NELL2: variants seen among roughly 807,000 people sequenced by gnomAD.
The protein encoded by NELL2 is protein kinase C-binding protein NELL2.
NELL2 carries 41 observed loss-of-function variants against 109.6 expected under a neutral mutation model. The observed-to-expected ratio is 0.37, with a 90% CI of 0.29 to 0.49. The LOEUF is 0.49. Among genes scored for constraint, NELL2 ranks in the 20% least tolerant of loss-of-function variants. The pLI is 0.98. For synonymous variants in NELL2, 355 were observed against 344.7 expected, an observed-to-expected ratio of 1.03 and a Z score of -0.33; for missense variants, 900 against 1,008.3, an observed-to-expected ratio of 0.89 and a Z score of 1.45.
chr12:44,522,364 G>A (rs941310166), intron 17 of NELL2, among the ~76,000 whole-genome samples, 188 bp from the exon 18 acceptor site: 16 of 151,898 alleles, frequency 1.1e-4, no homozygotes, highest in Non-Finnish European at 2.1e-4. Context: ...CTAAGCTGGA[G>A]GATTTTCAAT....
chr12:44,715,599 T>A (rs756977971), intron 9 of NELL2, among the ~76,000 whole-genome samples: 2 of 152,064 alleles, frequency 1.3e-5, no homozygotes, highest in Admixed American at 6.6e-5. Context: ...TGTAAGATGC[T>A]GAACTAAGTT....
intron 9 of NELL2, among the ~76,000 whole-genome samples, chr12:44,767,231 T>G (rs7304407): frequency 6.6e-6 from 1 of 152,022 alleles, no homozygotes; most frequent in Non-Finnish European, 1.5e-5. Context: ...TGTGGTAAAA[T>G]AAGAATGTTT....
At chr12:44,703,555 G>A (rs1490570552) in intron 12 of NELL2, among the ~76,000 whole-genome samples, 171 bp downstream of exon 12, 45 of 152,168 alleles carry the variant, frequency 3.0e-4, no homozygotes, top group Admixed American at 2.9e-3. Context: ...GCAGATAGCT[G>A]AAAAACTTTA....
chr12:44,644,592 ATATATATATATGTATG>A (rs1946995744), intron 13 of NELL2, among the ~76,000 whole-genome samples: 7 of 97,042 alleles, frequency 7.2e-5, no homozygotes, highest in Non-Finnish European at 1.2e-4. Context: ...ATATATATAT[ATATATATATATGTATG>A]TATATATATA....
At chr12:44,654,222 A>G (rs1347868642) in intron 13 of NELL2, among the ~76,000 whole-genome samples, 1 of 152,206 alleles carries the variant, frequency 6.6e-6, no homozygotes, top group Non-Finnish European at 1.5e-5. Context: ...ATGTACCTAT[A>G]TGAAAGCTCT....
chr12:44,669,695 C>A (rs190323867), intron 12 of NELL2, among the ~76,000 whole-genome samples: 1 of 151,722 alleles, frequency 6.6e-6, no homozygotes, highest in Non-Finnish European at 1.5e-5. Flanking sequence ...CTCAGTCAGA[C>A]CAAAAATCAA....
At position 44,665,476 on chromosome 12, in the gene NELL2, C is replaced by T; in HGVS notation, c.1444+8G>A. The T allele has an allele frequency of 6.3e-7, 1 of 1,594,240 alleles. No individual in the cohort carries two copies. Among genetic ancestry groups the T allele is most frequent in the Non-Finnish European group, 8.5e-7 (1 of 1,170,062 alleles). The stretch of plus-strand genomic sequence containing the variant: ...AAATATTTTATTTCACAAATAGCCA[C>T]CGTTTACCTGTACATGAATAATCAT... On this transcript the variant is annotated splice_region_variant and intron_variant, in intron 13 of 19. Coordinates refer to ENST00000429094, the MANE Select transcript of NELL2 (RefSeq NM_001145108.2).
chr12:44,875,114 A>G (rs1434900844), intron 2 of NELL2, 111 bp downstream of exon 2: 22 of 1,410,432 alleles, frequency 1.6e-5, no homozygotes, highest in Admixed American at 2.4e-5. Context: ...CACCTCAGCT[A>G]AAGTACTGTC....
Position 44,723,965 on chromosome 12 carries a change from C to T in NELL2, c.995-9224G>A, listed in dbSNP as rs185909397. Among the ~76,000 whole-genome samples, 242 of 151,924 alleles carry T rather than the reference C, an allele frequency of 1.6e-3. 2 individuals are homozygous for T. The highest frequency in any genetic ancestry group is 1.3e-3 in the South Asian group (6 of 4,800). On this transcript the variant is annotated intron_variant, in intron 9 of 19. Transcript: ENST00000429094. Reference sequence around the variant, plus strand: ...TGAATGTTCACTGCAGCACTATTCACGATAGCAAGGACATGGAATCAACCT... The same window carrying T: ...TGAATGTTCACTGCAGCACTATTCATGATAGCAAGGACATGGAATCAACCT...
chr12:44,532,719 T>A lies in NELL2; in HGVS notation c.1666A>T (p.Ile556Phe). ...GFTGPSCETD[I>F]DECSDGFVQC... is the part of the protein sequence containing the mutation. ...ACAAAACCATCAGAGCATTCATCAATGTCTGGCAAAAAAAGAGGGATTTTA... is the reference window on the plus strand; with the variant it reads ...ACAAAACCATCAGAGCATTCATCAAAGTCTGGCAAAAAAAGAGGGATTTTA... Residue 556 changes from isoleucine to phenylalanine, a missense_variant and splice_region_variant, in exon 16 of 20, where the codon ATT becomes TTT. Physicochemically the swap from Ile to Phe is conservative, Grantham distance 21. Coordinates refer to ENST00000429094, the MANE Select transcript of NELL2 (RefSeq NM_001145108.2). 1 of 1,604,008 alleles carries A rather than the reference T, an allele frequency of 6.2e-7. No homozygotes were observed. The highest frequency in any genetic ancestry group is 8.5e-7 in the Non-Finnish European group (1 of 1,176,260).
chr12:44,811,193 G>A (rs1943163190), intron 3 of NELL2, among the ~76,000 whole-genome samples: 1 of 151,946 alleles, frequency 6.6e-6, no homozygotes, highest in South Asian at 2.1e-4. Context: ...GGGGGAAGGG[G>A]AGGGAGAGCA....
chr12:44,718,086 T>C (rs1018229855), intron 9 of NELL2, among the ~76,000 whole-genome samples: 1 of 152,200 alleles, frequency 6.6e-6, no homozygotes, highest in African/African-American at 2.4e-5. Context: ...AGAAAACTGA[T>C]ATTTTTAAAA....
chr12:44,694,964 A>G (rs1431778904), intron 12 of NELL2, among the ~76,000 whole-genome samples: 1 of 151,956 alleles, frequency 6.6e-6, no homozygotes, highest in African/African-American at 2.4e-5. Context: ...TCACTAAACA[A>G]GTTAGTTGTG....
upstream of NELL2, chr12:44,876,665 AGGAGGCAAGGCT>A (rs1265670004): frequency 6.4e-7 from 1 of 1,551,318 alleles, no homozygotes; most frequent in South Asian, 1.2e-5. Context: ...ACCCAGCTGC[AGGAGGCAAGGCT>A]GGAGCGAGTA....
At chr12:44,514,736 T>C (rs1047066005) in intron 19 of NELL2, among the ~76,000 whole-genome samples, 4 of 151,478 alleles carry the variant, frequency 2.6e-5, no homozygotes, top group African/African-American at 9.6e-5. Flanking sequence ...AAATATACCA[T>C]TTTTCTTTTC....
chr12:44,608,200 C>A (rs962681200), intron 14 of NELL2, among the ~76,000 whole-genome samples: 1 of 152,000 alleles, frequency 6.6e-6, no homozygotes, highest in Non-Finnish European at 1.5e-5. Flanking sequence ...TTGTTCCCGG[C>A]ATTAAGACAA....
At chr12:44,659,308 A>G (rs879057423) in intron 13 of NELL2, among the ~76,000 whole-genome samples, 1 of 152,246 alleles carries the variant, frequency 6.6e-6, no homozygotes, top group African/African-American at 2.4e-5. Context: ...TGACTAAAAC[A>G]CCAAAAGCAA....
chr12:44,624,000 G>C (rs1307212803), intron 13 of NELL2, among the ~76,000 whole-genome samples: 1 of 152,062 alleles, frequency 6.6e-6, no homozygotes, highest in Non-Finnish European at 1.5e-5. Context: ...GTGGGGGCTA[G>C]GGGAGGGATA....
chr12:44,727,441 T>C (rs893169297), intron 9 of NELL2, among the ~76,000 whole-genome samples: 6 of 152,086 alleles, frequency 3.9e-5, no homozygotes, highest in African/African-American at 1.4e-4. Flanking sequence ...AGATGCTTCT[T>C]AAATTTTAAA....
Sources: allele counts gnomAD v4.1 joint callset (sites outside exome capture counted in the v4.1 genomes callset), GRCh38; gene constraint gnomAD v4.1.1; transcripts MANE v1.5; gene names NCBI Gene and HGNC (gene_info 2026-07-23, HGNC 2026-07-21).